HHAT: variants seen among roughly 807,000 people sequenced by gnomAD.
HHAT encodes the protein protein-cysteine N-palmitoyltransferase HHAT.
Under a neutral mutation model 70.8 loss-of-function variants are expected in HHAT, and 47 were observed. The observed-to-expected ratio is 0.66, with a 90% confidence interval of 0.53 to 0.85. The LOEUF is 0.85. Ranked by LOEUF, HHAT falls within the 40% of genes least tolerant of loss-of-function variation. HHAT has a pLI of 0.00. For missense variants in HHAT, 609 were observed against 604.8 expected, an observed-to-expected ratio of 1.01 and a Z score of -0.07; for synonymous variants, 228 against 247.6, an observed-to-expected ratio of 0.92 and a Z score of 0.74.
intron 7 of HHAT, among the ~76,000 whole-genome samples, chr1:210,453,874 A>G (rs7550747): frequency 0.037 from 5,648 of 152,276 alleles, 335 homozygotes; most frequent in African/African-American, 0.12. Flanking sequence ...TTGTTTTCAC[A>G]CAGCTGATAA....
chr1:210,632,427 G>T (rs902710269), intron 11 of HHAT, among the ~76,000 whole-genome samples: 2 of 152,186 alleles, frequency 1.3e-5, no homozygotes, highest in African/African-American at 4.8e-5. Flanking sequence ...TTTACATAGG[G>T]CCCAAAGATT....
chr1:210,410,692 A>G (rs1558461958), intron 6 of HHAT, among the ~76,000 whole-genome samples: 2 of 151,502 alleles, frequency 1.3e-5, no homozygotes, highest in Admixed American at 6.6e-5. Context: ...ACGCCCAGCT[A>G]ATTTTGTATT....
intron 11 of HHAT, among the ~76,000 whole-genome samples, chr1:210,671,059 TCTTC>T (rs1286323401): frequency 6.6e-6 from 1 of 152,186 alleles, no homozygotes; most frequent in Non-Finnish European, 1.5e-5. Flanking sequence ...TTGGGGACAG[TCTTC>T]CTTACAGCCC....
intron 3 of HHAT, among the ~76,000 whole-genome samples, chr1:210,385,634 G>A (rs1447053943): frequency 6.6e-6 from 1 of 152,140 alleles, no homozygotes; most frequent in African/African-American, 2.4e-5. Context: ...GGGGTGTGGG[G>A]AGCATGTGTA....
At chr1:210,352,915 CTT>C (rs2087185552) in intron 2 of HHAT, among the ~76,000 whole-genome samples, 2 of 151,054 alleles carry the variant, frequency 1.3e-5, no homozygotes, top group Non-Finnish European at 2.9e-5. Context: ...AGACATAAAA[CTT>C]TTTGTCTCTG....
chr1:210,592,322 T>C (rs994703134), intron 10 of HHAT, among the ~76,000 whole-genome samples: 2 of 152,166 alleles, frequency 1.3e-5, no homozygotes, highest in Non-Finnish European at 2.9e-5. Context: ...TTGGCACTTT[T>C]GTTGAAAATG....
intron 8 of HHAT, among the ~76,000 whole-genome samples, chr1:210,512,070 T>A (rs1239248933): frequency 6.6e-6 from 1 of 152,138 alleles, no homozygotes; most frequent in African/African-American, 2.4e-5. Flanking sequence ...TGTACCAGTT[T>A]CGTGGTGTCA....
intron 7 of HHAT, among the ~76,000 whole-genome samples, chr1:210,422,152 AAAT>A (rs1219249207): frequency 1.3e-5 from 2 of 152,226 alleles, no homozygotes; most frequent in Admixed American, 6.5e-5. Flanking sequence ...TTAAATTGAC[AAAT>A]AATAATTGTA....
intron 7 of HHAT, among the ~76,000 whole-genome samples, chr1:210,461,443 C>T (rs1203453291): frequency 6.6e-6 from 1 of 152,138 alleles, no homozygotes; most frequent in African/African-American, 2.4e-5. Context: ...GGACTAGAAG[C>T]GTGCACCACC....
At chr1:210,423,921 A>T (rs912980443) in intron 7 of HHAT, among the ~76,000 whole-genome samples, 1 of 152,124 alleles carries the variant, frequency 6.6e-6, no homozygotes, top group African/African-American at 2.4e-5. Context: ...TGCATGTACC[A>T]TGCTGTTTTG....
At chr1:210,626,216 G>T (rs1326926803) in intron 11 of HHAT, among the ~76,000 whole-genome samples, 1 of 152,198 alleles carries the variant, frequency 6.6e-6, no homozygotes, top group Non-Finnish European at 1.5e-5. Context: ...AGAGAGAAAG[G>T]CAGGAAGATC....
chr1:210,620,893 C>CT (rs11393436), intron 10 of HHAT, among the ~76,000 whole-genome samples: 49,081 of 146,902 alleles, frequency 0.33, 9,375 homozygotes, highest in South Asian at 0.44. Context: ...ATGATTTTGA[C>CT]TTTTTTTTTT....
intron 11 of HHAT, 61 bp downstream of exon 11, chr1:210,623,731 A>G (rs866869843): frequency 4.6e-6 from 7 of 1,526,294 alleles, no homozygotes; most frequent in Middle Eastern, 1.7e-4. Flanking sequence ...TGCGGATGGG[A>G]TCATACATGG....
intron 11 of HHAT, among the ~76,000 whole-genome samples, chr1:210,652,947 TTC>T (rs1214046639): frequency 6.6e-6 from 1 of 152,210 alleles, no homozygotes; most frequent in Admixed American, 6.5e-5. Context: ...GCAGTTCCAC[TTC>T]TAGGACTTTG....
chr1:210,593,076 G>C (rs747830893), intron 10 of HHAT, among the ~76,000 whole-genome samples: 1 of 151,916 alleles, frequency 6.6e-6, no homozygotes, highest in Non-Finnish European at 1.5e-5. Flanking sequence ...TTCCCTTCCT[G>C]TATCCAAGTG....
At chr1:210,362,703 TC>T in intron 2 of HHAT, 148 bp from the exon 3 acceptor site, 1 of 637,286 alleles carries the variant, frequency 1.6e-6, no homozygotes, top group Admixed American at 2.7e-5. Flanking sequence ...GAAAGCAAGG[TC>T]AAGGAGTGTG....
intron 8 of HHAT, among the ~76,000 whole-genome samples, chr1:210,501,912 C>G (rs980928208): frequency 1.3e-5 from 2 of 152,044 alleles, no homozygotes; most frequent in Non-Finnish European, 2.9e-5. Context: ...AAAGCTCTGA[C>G]CATCTTATTG....
chr1:210,388,007 G>A (rs1258298079), intron 4 of HHAT, among the ~76,000 whole-genome samples: 1 of 152,226 alleles, frequency 6.6e-6, no homozygotes, highest in East Asian at 1.9e-4. Context: ...AAGTCCAGTA[G>A]CATTTTGCTC....
At chr1:210,453,142 G>A (rs377489143) in intron 7 of HHAT, among the ~76,000 whole-genome samples, 11 of 152,148 alleles carry the variant, frequency 7.2e-5, no homozygotes, top group African/African-American at 2.7e-4. Context: ...GACATTTGAC[G>A]TCTGATCCTT....
Sources: gnomAD v4.1 joint callset for allele counts (sites outside exome capture counted in the v4.1 genomes callset) on GRCh38, gnomAD v4.1.1 for gene constraint, MANE v1.5 for transcripts, NCBI Gene and HGNC (gene_info 2026-07-23, HGNC 2026-07-21) for gene names.